Variants in SPAG16 observed in about 807,000 individuals in gnomAD.
SPAG16 encodes the protein sperm associated antigen 16.
SPAG16 carries 86 observed loss-of-function variants against 80.4 expected under a neutral mutation model. The ratio of observed to expected loss-of-function variants is 1.07; its 90% confidence interval spans 0.90 to 1.28. The LOEUF (loss-of-function observed/expected upper bound fraction) is 1.28, where lower values mean the gene tolerates loss of function less well. Among genes scored for constraint, SPAG16 ranks in the 50% most tolerant of loss-of-function variants. SPAG16 has a pLI of 0.00. For missense variants in SPAG16, 870 were observed against 765.3 expected (o/e 1.14, Z -1.61); for synonymous variants, 294 against 265.9 (o/e 1.11, Z -1.03).
intron 10 of SPAG16, among the ~76,000 whole-genome samples, chr2:213,744,188 T>C (rs2067708946): frequency 6.6e-6 from 1 of 152,206 alleles, no homozygotes; most frequent in South Asian, 2.1e-4. Context: ...TTTGGACAGC[T>C]CTGAACCAAA....
chr2:214,351,494 G>A (rs918252945), intron 15 of SPAG16, among the ~76,000 whole-genome samples: 1 of 151,800 alleles, frequency 6.6e-6, no homozygotes, highest in Non-Finnish European at 1.5e-5. Flanking sequence ...GAGGTCAGGA[G>A]ATCGAGACCA....
intron 10 of SPAG16, among the ~76,000 whole-genome samples, chr2:213,576,807 A>T (rs1262018206): frequency 6.6e-6 from 1 of 152,106 alleles, no homozygotes; most frequent in Non-Finnish European, 1.5e-5. Context: ...ACATAGACAC[A>T]TAGAGGGGAA....
At chr2:213,700,900 A>T (rs929747018) in intron 10 of SPAG16, among the ~76,000 whole-genome samples, 1 of 152,144 alleles carries the variant, frequency 6.6e-6, no homozygotes, top group African/African-American at 2.4e-5. Context: ...TAATCCCAGC[A>T]CTTTGGGAGG....
chr2:213,762,204 G>T (rs976997432), intron 10 of SPAG16, among the ~76,000 whole-genome samples: 2 of 152,206 alleles, frequency 1.3e-5, no homozygotes, highest in African/African-American at 4.8e-5. Context: ...CAGGGACTGG[G>T]AGGAAGGGAG....
chr2:213,866,287 GT>G (rs902284598), intron 11 of SPAG16, among the ~76,000 whole-genome samples: 20 of 151,916 alleles, frequency 1.3e-4, no homozygotes, highest in African/African-American at 4.8e-4. Context: ...TACTCACATG[GT>G]AACAGAGACC....
intron 15 of SPAG16, among the ~76,000 whole-genome samples, chr2:214,225,816 T>C (rs2058686085): frequency 6.6e-6 from 1 of 152,142 alleles, no homozygotes; most frequent in Non-Finnish European, 1.5e-5. Flanking sequence ...CTTCTAATCA[T>C]TTAAACTGAC....
chr2:214,371,854 T>C (rs1574430660), intron 15 of SPAG16, among the ~76,000 whole-genome samples: 1 of 151,750 alleles, frequency 6.6e-6, no homozygotes, highest in East Asian at 2.0e-4. Context: ...CTAATTTTTA[T>C]ATTTTTAGTA....
intron 10 of SPAG16, among the ~76,000 whole-genome samples, chr2:213,492,900 C>G (rs1011145177): frequency 6.6e-6 from 1 of 152,098 alleles, no homozygotes; most frequent in Non-Finnish European, 1.5e-5. Context: ...CTGCTGTATA[C>G]ACACACTATG....
chr2:213,584,830 A>G (rs935549490), intron 10 of SPAG16, among the ~76,000 whole-genome samples: 1 of 152,168 alleles, frequency 6.6e-6, no homozygotes, highest in African/African-American at 2.4e-5. Flanking sequence ...TAGTGAGTCC[A>G]ACTAGCATGC....
intron 12 of SPAG16, among the ~76,000 whole-genome samples, chr2:213,937,040 G>A (rs1310629859): frequency 1.3e-5 from 2 of 152,058 alleles, no homozygotes; most frequent in Non-Finnish European, 2.9e-5. Context: ...TTTTGAAGGG[G>A]AAGGCAAATA....
At chr2:213,604,890 T>G (rs1559301184) in intron 10 of SPAG16, among the ~76,000 whole-genome samples, 2 of 150,338 alleles carry the variant, frequency 1.3e-5, no homozygotes, top group East Asian at 1.9e-4. Context: ...TTTTACTGCA[T>G]AATTTTGTAA....
intron 15 of SPAG16, among the ~76,000 whole-genome samples, chr2:214,291,034 G>C (rs1464459036): frequency 6.6e-6 from 1 of 152,034 alleles, no homozygotes; most frequent in African/African-American, 2.4e-5. Flanking sequence ...ATGAATTTGG[G>C]TGATTTAGTG....
At chr2:214,276,560 G>T (rs184204484) in intron 15 of SPAG16, among the ~76,000 whole-genome samples, 1,697 of 152,278 alleles carry the variant, frequency 0.011, 37 homozygotes, top group Non-Finnish European at 9.5e-3. Flanking sequence ...ACGATGCTTA[G>T]TTTGGCTGGA....
Position 213,303,991 on chromosome 2 carries a change from AT to A in SPAG16, c.280-6065del, listed in dbSNP as rs1174870506. Among the ~76,000 whole-genome samples, 3 of 152,134 alleles carry A rather than the reference AT, an allele frequency of 2.0e-5. No individual in the cohort carries two copies. In the East Asian group the frequency reaches 5.8e-4, roughly 29 times the overall value. ...CTTTATAGTGGTTGTACTAATTTAC[AT>A]TTCCACTAATGGTGTACGAGGGTTA... On this transcript the variant is annotated intron_variant, in intron 3 of 15. Coordinates refer to ENST00000331683, the MANE Select transcript of SPAG16 (RefSeq NM_024532.5).
chr2:213,690,960 G>GATATAGAT lies in SPAG16; in HGVS notation c.1071-171511_1071-171504dup, dbSNP rs2064917530. On this transcript the variant is annotated intron_variant, in intron 10 of 15. Transcript: ENST00000331683. ...TTGCATATAGATAGATACAGATATA[G>GATATAGAT]ATATAGATATATAGATATATATATA... 3.9e-5 allele frequency among the ~76,000 whole-genome samples: 6 copies of GATATAGAT among 152,078 alleles called. No homozygotes were observed. In the South Asian group the frequency reaches 1.0e-3, roughly 26 times the overall value.
At chr2:213,434,449 A>T (rs561251397) in intron 9 of SPAG16, among the ~76,000 whole-genome samples, 3 of 152,300 alleles carry the variant, frequency 2.0e-5, no homozygotes, top group Admixed American at 6.5e-5. Context: ...CACAAGTAAT[A>T]AAAACAAAAA....
In SPAG16 at chr2:213,350,560, C is replaced by T. The variant is rs990286105; in HGVS notation, c.677C>T (p.Thr226Ile). ...LKLHYASYEP[T>I]IRVLHEKHHT... is the part of the protein sequence containing the mutation. ...TTACATTATGCATCTTATGAACCGA[C>T]TATAAGGGTGTTACATGAGAAACAC... The change falls in exon 7 of 16, where the codon ACT (threonine) becomes ATT (isoleucine). Residue 226 changes from threonine to isoleucine, a missense_variant. Physicochemically the swap from Thr to Ile is moderately conservative, Grantham distance 89 (BLOSUM62 -1). Coordinates refer to ENST00000331683, the MANE Select transcript of SPAG16 (RefSeq NM_024532.5). 1.3e-6 allele frequency: 2 copies of T among 1,594,602 alleles called. No homozygotes were observed. Among genetic ancestry groups the T allele is most frequent in the African/African-American group, 1.4e-5 (1 of 73,818 alleles).
chr2:213,629,732 T>TACCTGGAATACC (rs2062077430), intron 10 of SPAG16, among the ~76,000 whole-genome samples: 1 of 152,228 alleles, frequency 6.6e-6, no homozygotes, highest in Non-Finnish European at 1.5e-5. Flanking sequence ...GGTTCCCTAA[T>TACCTGGAATACC]AGTTGACTTC....
intron 15 of SPAG16, among the ~76,000 whole-genome samples, chr2:214,404,952 A>G (rs1701914438): frequency 6.6e-6 from 1 of 152,158 alleles, no homozygotes; most frequent in Non-Finnish European, 1.5e-5. Context: ...GACTTTTGCA[A>G]GAACATGAGT....
Sources: gnomAD v4.1 joint callset for allele counts (sites outside exome capture counted in the v4.1 genomes callset) on GRCh38, gnomAD v4.1.1 for gene constraint, MANE v1.5 for transcripts, NCBI Gene and HGNC (gene_info 2026-07-23, HGNC 2026-07-21) for gene names.